Variants in COL4A2 observed in about 807,000 individuals in gnomAD.
COL4A2 encodes the protein collagen type IV alpha 2 chain.
COL4A2 carries 99 observed loss-of-function variants against 200.2 expected under a neutral mutation model. The ratio of observed to expected loss-of-function variants is 0.49; its 90% CI spans 0.42 to 0.58. The LOEUF is 0.58. Ranked by LOEUF, COL4A2 falls within the 20% of genes least tolerant of loss-of-function variation. COL4A2 has a pLI of 0.00. For missense variants in COL4A2, 1,950 were observed against 2,314.1 expected (o/e 0.84, Z 3.23); for synonymous variants, 897 against 900.6 (o/e 1.00, Z 0.07).
intron 38 of COL4A2, among the ~76,000 whole-genome samples, chr13:110,492,546 C>T (rs2139537792): frequency 6.6e-6 from 1 of 152,356 alleles, no homozygotes; most frequent in African/African-American, 2.4e-5. Context: ...CCCGGGGCCT[C>T]CTTACAGCCC....
At chr13:110,447,906 C>T (rs1308150301) in intron 18 of COL4A2, among the ~76,000 whole-genome samples, 1 of 152,194 alleles carries the variant, frequency 6.6e-6, no homozygotes, top group Non-Finnish European at 1.5e-5. Flanking sequence ...CGAAGCGAGC[C>T]CTCTGTCAGT....
intron 21 of COL4A2, chr13:110,457,694 C>A: frequency 1.6e-6 from 1 of 628,132 alleles, no homozygotes; most frequent in Non-Finnish European, 3.0e-6. Context: ...TTCCTAGCAG[C>A]AGTGAGCCTG....
rs376488796 is a variant in COL4A2 at position 110,450,407 on chromosome 13, G to A, written c.1292G>A (p.Arg431Gln). 1.6e-5 allele frequency: 26 copies of A among 1,613,918 alleles called. No individual in the cohort carries two copies. The highest frequency in any genetic ancestry group is 1.0e-4 in the Admixed American group (6 of 60,014). Residue 431 changes from arginine (R) to glutamine (Q), a missense_variant, in exon 20 of 48, where the codon CGA becomes CAA. Around this residue, in one of 2 missense-constraint regions of COL4A2, gnomAD observed 565 missense variants for 593.5 expected, o/e 0.95. Transcript: ENST00000360467. ...YGGPPGPDGK[R>Q]GPPGPPGLPG... ...GGCCCACCTGGACCTGATGGAAAGC[G>A]AGGGCCTCCAGGACCCCCCGGGCTC...
chr13:110,458,895 C>T lies in COL4A2; in HGVS notation c.1557C>T (p.Asp519=), dbSNP rs781646506. ...GEPGRKGDRG[D]PGQHGLPGFP... The stretch of plus-strand genomic sequence containing the variant: ...CGGGGAGGAAAGGGGACAGAGGAGA[C>T]CCCGGCCAACACGGCCTCCCTGGGT... The change falls in exon 22 of 48, where the codon GAC becomes GAT. Residue 519 remains aspartate, a synonymous_variant. Transcript: ENST00000360467. 18 of 1,597,780 alleles carry T rather than the reference C, an allele frequency of 1.1e-5. No homozygotes were observed. Among genetic ancestry groups the T allele is most frequent in the East Asian group, 2.2e-5 (1 of 44,508 alleles).
chr13:110,506,725 AG>A, intron 46 of COL4A2, 119 bp downstream of exon 46: 1 of 1,086,924 alleles, frequency 9.2e-7, no homozygotes, highest in Non-Finnish European at 1.3e-6. Context: ...CCCTGACGGA[AG>A]GGTCCATCTA....
chr13:110,315,074 T>C (rs1000930603), intron 3 of COL4A2, among the ~76,000 whole-genome samples: 1 of 152,204 alleles, frequency 6.6e-6, no homozygotes, highest in Non-Finnish European at 1.5e-5. Flanking sequence ...TAACTGGAAA[T>C]GAGAAGCATG....
chr13:110,311,872 T>C (rs933399546), intron 3 of COL4A2, among the ~76,000 whole-genome samples: 3 of 152,140 alleles, frequency 2.0e-5, no homozygotes, highest in Admixed American at 6.5e-5. Context: ...ACCCTGCCGC[T>C]TAGTTTCCAG....
chr13:110,407,029 C>T (rs1345548255), intron 4 of COL4A2, among the ~76,000 whole-genome samples: 1 of 152,174 alleles, frequency 6.6e-6, no homozygotes, highest in African/African-American at 2.4e-5. Flanking sequence ...ATCGCCTCCT[C>T]AGGGAAGAGG....
At chr13:110,372,451 T>G (rs1287123378) in intron 4 of COL4A2, among the ~76,000 whole-genome samples, 1 of 152,204 alleles carries the variant, frequency 6.6e-6, no homozygotes, top group African/African-American at 2.4e-5. Context: ...GAGTTTCTCT[T>G]CTCTGGAATT....
At chr13:110,456,861 C>A in intron 20 of COL4A2, 1 of 468,956 alleles carries the variant, frequency 2.1e-6, no homozygotes. Context: ...TGATGCCCTG[C>A]GTCTGCGTGG....
intron 4 of COL4A2, among the ~76,000 whole-genome samples, chr13:110,415,009 G>T (rs1022897209): frequency 5.1e-4 from 77 of 152,302 alleles, no homozygotes; most frequent in African/African-American, 1.8e-3. Context: ...TGTGCTAAGT[G>T]AAAGGAGCCA....
rs1433457547 is a variant in COL4A2, at chr13:110,408,836, T to C, written c.181-15898T>C. Among the ~76,000 whole-genome samples the C allele has an allele frequency of 1.6e-4, 11 of 70,492 alleles. No individual in the cohort carries two copies. The South Asian group carries it at 2.2e-3, about 14-fold the overall frequency. 46.2% of individuals were successfully genotyped at this position (70,492 alleles called of 152,430 possible). A position where few individuals can be genotyped will look rare whatever the true frequency, so the allele number is the denominator to read the frequency against. ...ATACACACACACATGCACACACACA[T>C]ACACGCACACATATACACACATACA... On this transcript the variant is annotated intron_variant, in intron 4 of 47. Transcript: ENST00000360467.
At chr13:110,441,770 C>T (rs2054258323) in intron 16 of COL4A2, among the ~76,000 whole-genome samples, 1 of 152,044 alleles carries the variant, frequency 6.6e-6, no homozygotes, top group South Asian at 2.1e-4. Context: ...CTTTAGTTTT[C>T]CATCTTCAAC....
rs1339941004 is a variant in COL4A2 at position 110,506,483 on chromosome 13, C to T, written c.4471C>T (p.Leu1491Phe). 2 of 1,612,490 alleles carry T rather than the reference C, an allele frequency of 1.2e-6. No homozygotes were observed. Among genetic ancestry groups the T allele is most frequent in the Admixed American group, 1.7e-5 (1 of 59,910 alleles). ...MPGRSVSIGYLLVKHSQTDQE... is the reference protein window; with the variant it reads ...MPGRSVSIGYFLVKHSQTDQE... ...AGGCCGCAGCGTCAGCATCGGCTAC[C>T]TCCTGGTGAAGCACAGCCAGACGGA... The change falls in exon 46 of 48, where the codon CTC (leucine) becomes TTC (phenylalanine). Residue 1491 changes from leucine to phenylalanine, a missense_variant. Leu to Phe is a conservative substitution (Grantham distance 22). Coordinates refer to ENST00000360467, the MANE Select transcript of COL4A2 (RefSeq NM_001846.4).
chr13:110,474,463 G>GC (rs1471964080), intron 29 of COL4A2, among the ~76,000 whole-genome samples: 5 of 152,146 alleles, frequency 3.3e-5, no homozygotes, highest in Non-Finnish European at 5.9e-5. Flanking sequence ...ACTGATCAGT[G>GC]CCCCCAGCTG....
chr13:110,374,055 G>C (rs1044985462), intron 4 of COL4A2, among the ~76,000 whole-genome samples: 1 of 152,220 alleles, frequency 6.6e-6, no homozygotes, highest in South Asian at 2.1e-4. Flanking sequence ...CATCATAATC[G>C]TGTCACGTCC....
At chr13:110,393,748 A>G (rs1490976158) in intron 4 of COL4A2, among the ~76,000 whole-genome samples, 1 of 152,126 alleles carries the variant, frequency 6.6e-6, no homozygotes, top group Admixed American at 6.5e-5. Context: ...GCGTGGTGGC[A>G]CACACCTATA....
At chr13:110,466,948 C>T (rs1284151970) in intron 26 of COL4A2, 92 bp from the exon 27 acceptor site, 17 of 1,533,632 alleles carry the variant, frequency 1.1e-5, no homozygotes, top group Non-Finnish European at 1.4e-5. Flanking sequence ...CCGGTTTGCA[C>T]AGCTCGTGCT....
chr13:110,399,683 T>TG (rs1368935191), intron 4 of COL4A2, among the ~76,000 whole-genome samples: 3 of 152,296 alleles, frequency 2.0e-5, no homozygotes, highest in South Asian at 2.1e-4. Flanking sequence ...TGTCTAAATT[T>TG]GGGGGGATGT....
Sources: gnomAD v4.1 joint callset for allele counts (sites outside exome capture counted in the v4.1 genomes callset) on GRCh38, gnomAD v4.1.1 for gene constraint, gnomAD v4.1.1 regional missense constraint, MANE v1.5 for transcripts, NCBI Gene and HGNC (gene_info 2026-07-23, HGNC 2026-07-21) for gene names.